USP25: variants seen among roughly 807,000 people sequenced by gnomAD.
USP25 encodes ubiquitin carboxyl-terminal hydrolase 25.
In USP25, 85 loss-of-function variants were observed where a neutral mutation model predicts 158.5. The ratio of observed to expected loss-of-function variants is 0.54; its 90% CI spans 0.45 to 0.64. USP25 has a LOEUF of 0.64. Ranked by LOEUF, USP25 falls within the 30% of genes least tolerant of loss-of-function variation. The pLI is 0.00. For missense variants in USP25, 1,242 were observed against 1,327.3 expected (o/e 0.94, Z 1.00); for synonymous variants, 464 against 460.4 (o/e 1.01, Z -0.10).
intron 1 of USP25, 91 bp downstream of exon 1, chr21:15,730,529 G>A: frequency 1.6e-6 from 2 of 1,268,158 alleles, no homozygotes; most frequent in South Asian, 2.2e-5. Context: ...CCTCGCCGCC[G>A]CCGCCTTCCC....
rs568145186 is a variant in USP25, at chr21:15,739,618, T to G, written c.45+9180T>G. Among the ~76,000 whole-genome samples, 8 of 152,190 alleles carry G rather than the reference T, an allele frequency of 5.3e-5. No individual in the cohort carries two copies. In the East Asian group the frequency reaches 1.5e-3, roughly 29 times the overall value. The stretch of plus-strand genomic sequence containing the variant: ...GATTTCTGCCCTGATGTGCTTAGAG[T>G]AAGGTGTCTACAGGGTCTTTCTTCC... On this transcript the variant is annotated intron_variant, in intron 1 of 25. Transcript: ENST00000400183.
At chr21:15,754,117 G>T (rs1220159366) in intron 1 of USP25, among the ~76,000 whole-genome samples, 1 of 152,102 alleles carries the variant, frequency 6.6e-6, no homozygotes, top group East Asian at 1.9e-4. Context: ...GGTTACTCTT[G>T]TGTCCGCAGT....
chr21:15,826,243 G>A lies in USP25; in HGVS notation c.1344G>A (p.Leu448=), dbSNP rs748712764. ...SYGSGPKRFP[L]VDVLQYALEF... ...GTTCCGGTCCCAAACGATTCCCCTT[G>A]GTAGATGTTCTTCAGTATGCATTGG... Residue 448 remains leucine (L), a synonymous_variant, in exon 13 of 26, where the codon TTG becomes TTA. Transcript: ENST00000400183. This position sits in a 1 kb window ranked among gnomAD's most constrained non-coding sequence, Gnocchi z 4.8. 3.1e-6 allele frequency: 5 copies of A among 1,613,908 alleles called. No homozygotes were observed. The South Asian group carries it at 3.3e-5, about 11-fold the overall frequency.
chr21:15,848,910 A>G (rs2038756497), intron 19 of USP25, among the ~76,000 whole-genome samples: 2 of 152,198 alleles, frequency 1.3e-5, no homozygotes, highest in Non-Finnish European at 2.9e-5. Context: ...TCTGTAAGAT[A>G]GCTTCATAGG....
At chr21:15,803,509 A>G (rs541510633) in intron 6 of USP25, among the ~76,000 whole-genome samples, 1 of 151,896 alleles carries the variant, frequency 6.6e-6, no homozygotes, top group Admixed American at 6.6e-5. Flanking sequence ...AAACCATATT[A>G]TCATCTCTGT....
intron 20 of USP25, among the ~76,000 whole-genome samples, chr21:15,856,792 C>T (rs970378614): frequency 4.0e-5 from 6 of 151,178 alleles, no homozygotes; most frequent in Non-Finnish European, 7.4e-5. Context: ...CTATTTGCTT[C>T]TTTTTCTTGA....
At chr21:15,859,265 T>TC in intron 20 of USP25, among the ~76,000 whole-genome samples, 1 of 151,652 alleles carries the variant, frequency 6.6e-6, no homozygotes, top group South Asian at 2.1e-4. Flanking sequence ...CCATCTTGGC[T>TC]CACTGCAGGC....
intron 11 of USP25, among the ~76,000 whole-genome samples, chr21:15,824,417 A>G (rs566282202): frequency 1.2e-4 from 19 of 152,304 alleles, no homozygotes; most frequent in Admixed American, 4.6e-4. Context: ...AAAAAATACC[A>G]TTTTGTATTA....
chr21:15,766,163 A>C lies in USP25; in HGVS notation c.268+22A>C, dbSNP rs778619918. The C allele has an allele frequency of 3.2e-6, 5 of 1,575,536 alleles. No individual in the cohort carries two copies. In the Admixed American group the frequency reaches 7.5e-5, roughly 24 times the overall value. Reference sequence around the variant, plus strand: ...ACAAGTAAGTTTTCTTTCTTTTCTTATTATTTTAATAGAAACATACTGAAA... The same window carrying C: ...ACAAGTAAGTTTTCTTTCTTTTCTTCTTATTTTAATAGAAACATACTGAAA... On this transcript the variant is annotated intron_variant, in intron 3 of 25. Coordinates refer to ENST00000400183, the MANE Select transcript of USP25 (RefSeq NM_001283041.3). This position sits in a 1 kb window ranked among gnomAD's most constrained non-coding sequence, Gnocchi z 4.0.
intron 1 of USP25, among the ~76,000 whole-genome samples, chr21:15,734,613 A>T (rs9979887): frequency 0.027 from 4,108 of 152,228 alleles, 191 homozygotes; most frequent in African/African-American, 0.091. Context: ...TATACAGTCC[A>T]TATCCTTTAC....
intron 18 of USP25, among the ~76,000 whole-genome samples, chr21:15,847,046 T>C (rs1401841180): frequency 1.3e-5 from 2 of 152,188 alleles, no homozygotes; most frequent in African/African-American, 2.4e-5. Context: ...ATAAATATAC[T>C]GGAGCCTCAT....
chr21:15,844,053 A>T (rs1484934495), intron 18 of USP25, among the ~76,000 whole-genome samples: 1 of 152,162 alleles, frequency 6.6e-6, no homozygotes, highest in Non-Finnish European at 1.5e-5. Context: ...TTCAGAAAGG[A>T]GGATGACAGG....
intron 20 of USP25, among the ~76,000 whole-genome samples, chr21:15,859,744 T>TA (rs2039333554): frequency 6.6e-6 from 1 of 152,018 alleles, no homozygotes; most frequent in South Asian, 2.1e-4. Flanking sequence ...TTAACAAAGT[T>TA]ATATGTGTTA....
At chr21:15,791,851 T>C (rs2035608062) in intron 5 of USP25, among the ~76,000 whole-genome samples, 187 bp downstream of exon 5, 1 of 151,910 alleles carries the variant, frequency 6.6e-6, no homozygotes, top group African/African-American at 2.4e-5. Context: ...ATTTCTAGTA[T>C]GTATTTTTTA....
chr21:15,798,006 A>G (rs2035945810), intron 5 of USP25, among the ~76,000 whole-genome samples: 2 of 151,302 alleles, frequency 1.3e-5, no homozygotes, highest in Non-Finnish European at 3.0e-5. Flanking sequence ...TATGGAGTTC[A>G]GTAATATCTG....
At position 15,732,762 on chromosome 21, in the gene USP25, G is replaced by A. The variant is rs567261089; in HGVS notation, c.45+2324G>A. On this transcript the variant is annotated intron_variant, in intron 1 of 25. Transcript: ENST00000400183. Reference sequence around the variant, plus strand: ...ATGGATGTAAGTTTTTTTGTTGTTTGCAGCACCACACTACACAAAACTTTC... The same window carrying A: ...ATGGATGTAAGTTTTTTTGTTGTTTACAGCACCACACTACACAAAACTTTC... Among the ~76,000 whole-genome samples, 4 of 152,000 alleles carry A rather than the reference G, an allele frequency of 2.6e-5. No individual in the cohort carries two copies. The South Asian group carries it at 6.2e-4, about 24-fold the overall frequency.
rs139521044 is a variant in USP25 at position 15,741,322 on chromosome 21, A to T, written c.45+10884A>T. ...TTTTTTCCAGTTTTTTGACCCATAT[A>T]TAATGTTATGTGTACATTTGTAAGC... On this transcript the variant is annotated intron_variant, in intron 1 of 25. Transcript: ENST00000400183. Among the ~76,000 whole-genome samples the T allele has an allele frequency of 2.5e-3, 369 of 149,092 alleles. 2 individuals are homozygous for T. Among genetic ancestry groups the T allele is most frequent in the African/African-American group, 8.9e-3 (357 of 40,000 alleles).
At position 15,791,354 on chromosome 21, in the gene USP25, A is replaced by C. The variant is rs141602403; in HGVS notation, c.393-148A>C. ...ATGTATTAGCATTGACACTGCTAAA[A>C]CGTGTATTTGAGTAAAGTTAGTATT... On this transcript the variant is annotated intron_variant, in intron 4 of 25. Coordinates refer to ENST00000400183, the MANE Select transcript of USP25 (RefSeq NM_001283041.3). The C allele has an allele frequency of 6.3e-4, 542 of 854,046 alleles. 7 individuals are homozygous for C. The highest frequency in any genetic ancestry group is 5.2e-5 in the Non-Finnish European group (32 of 618,792). The allele number at this position is 854,046 out of a possible 1,614,324, so 52.9% of individuals were successfully genotyped here. A position where few individuals can be genotyped will look rare whatever the true frequency, so the allele number is the denominator to read the frequency against.
chr21:15,832,729 A>G (rs905539793), intron 16 of USP25, among the ~76,000 whole-genome samples: 2 of 152,118 alleles, frequency 1.3e-5, no homozygotes, highest in East Asian at 3.8e-4. Flanking sequence ...GCAAAGAAAA[A>G]AAAAAATGGC....
Sources: allele counts gnomAD v4.1 joint callset (sites outside exome capture counted in the v4.1 genomes callset), GRCh38; gene constraint gnomAD v4.1.1; non-coding constraint Gnocchi (gnomAD v3.1); transcripts MANE v1.5; gene names NCBI Gene and HGNC (gene_info 2026-07-23, HGNC 2026-07-21).